Variants in UNC13C observed in about 807,000 individuals in gnomAD.
The protein encoded by UNC13C is unc-13 homolog C, also known as protein unc-13 homolog C.
UNC13C carries 174 observed loss-of-function variants against 245.4 expected under a neutral mutation model. The observed-to-expected ratio is 0.71, with a 90% CI of 0.63 to 0.80. The LOEUF (loss-of-function observed/expected upper bound fraction) is 0.80. Ranked by LOEUF, UNC13C falls within the 30% of genes least tolerant of loss-of-function variation. UNC13C has a pLI of 0.00. For missense variants in UNC13C, 2,829 were observed against 2,602.9 expected (o/e 1.09, Z -1.89); for synonymous variants, 992 against 895.1 (o/e 1.11, Z -1.93).
At chr15:54,178,806 T>G (rs2033701279) in intron 4 of UNC13C, among the ~76,000 whole-genome samples, 1 of 152,126 alleles carries the variant, frequency 6.6e-6, no homozygotes, top group South Asian at 2.1e-4. Context: ...GCCTGGGAGC[T>G]TTACAGAGAA....
chr15:54,238,712 G>T (rs2035772897), intron 7 of UNC13C, among the ~76,000 whole-genome samples: 1 of 152,112 alleles, frequency 6.6e-6, no homozygotes, highest in Non-Finnish European at 1.5e-5. Context: ...TAACTTGTTT[G>T]TTGTTCTTGT....
intron 8 of UNC13C, 86 bp from the exon 9 acceptor site, chr15:54,264,082 C>A: frequency 7.4e-7 from 1 of 1,350,942 alleles, no homozygotes; most frequent in Non-Finnish European, 1.0e-6. Context: ...CATTCATTCT[C>A]ACTTCCTCCT....
intron 4 of UNC13C, among the ~76,000 whole-genome samples, chr15:54,233,056 C>A (rs914917845): frequency 6.6e-6 from 1 of 152,114 alleles, no homozygotes; most frequent in East Asian, 1.9e-4. Flanking sequence ...GTTTATCATT[C>A]TTTTCCCTTT....
At chr15:54,141,754 C>A in intron 2 of UNC13C, among the ~76,000 whole-genome samples, 1 of 151,854 alleles carries the variant, frequency 6.6e-6, no homozygotes. Flanking sequence ...ATAATTATGG[C>A]CATAAATAAG....
chr15:54,407,114 A>G lies in UNC13C; in HGVS notation c.4848-7868A>G, dbSNP rs547865484. On this transcript the variant is annotated intron_variant, in intron 18 of 32. Coordinates refer to ENST00000260323, the MANE Select transcript of UNC13C (RefSeq NM_001080534.3). ...TATGCTAATAAATGTGTGACAAGCAATTTATGGTTTTAAAGCAGTAGTTAG... is the reference window on the plus strand; with the variant it reads ...TATGCTAATAAATGTGTGACAAGCAGTTTATGGTTTTAAAGCAGTAGTTAG... Among the ~76,000 whole-genome samples, 5 of 152,326 alleles carry G rather than the reference A, an allele frequency of 3.3e-5. No individual in the cohort carries two copies. The South Asian group carries it at 8.3e-4, about 25-fold the overall frequency.
intron 31 of UNC13C, among the ~76,000 whole-genome samples, chr15:54,622,639 T>G (rs1900868697): frequency 6.6e-6 from 1 of 152,034 alleles, no homozygotes; most frequent in South Asian, 2.1e-4. Context: ...ATACACTGAT[T>G]AAATATCCAA....
rs374032678 is a variant in UNC13C, at chr15:54,062,354, G to T, written c.2983+46468G>T. Among the ~76,000 whole-genome samples the T allele has an allele frequency of 2.5e-4, 37 of 150,886 alleles. No homozygotes were observed. The South Asian group carries it at 6.9e-3, about 28-fold the overall frequency. The stretch of plus-strand genomic sequence containing the variant: ...AAAAAAAAAAAAATCTCCATCCTCT[G>T]TGTGATTCTCCTAACATGGCAGAGG... On this transcript the variant is annotated intron_variant, in intron 2 of 32. Transcript: ENST00000260323.
chr15:54,039,053 C>G (rs1441190711), intron 2 of UNC13C, among the ~76,000 whole-genome samples: 3 of 152,052 alleles, frequency 2.0e-5, no homozygotes, highest in African/African-American at 4.8e-5. Context: ...AATCAACGTG[C>G]TTTTTATAAT....
At chr15:54,510,838 T>C (rs1596494281) in intron 23 of UNC13C, among the ~76,000 whole-genome samples, 1 of 152,118 alleles carries the variant, frequency 6.6e-6, no homozygotes, top group South Asian at 2.1e-4. Flanking sequence ...ATATACTGGC[T>C]CTTAGGAATC....
intron 2 of UNC13C, among the ~76,000 whole-genome samples, chr15:54,099,413 T>C (rs1595853299): frequency 6.6e-6 from 1 of 152,160 alleles, no homozygotes; most frequent in East Asian, 1.9e-4. Flanking sequence ...TCACTATAAA[T>C]AGCTGGCCAT....
intron 31 of UNC13C, 90 bp from the exon 32 acceptor site, chr15:54,623,705 T>C (rs933924073): frequency 1.7e-6 from 2 of 1,208,808 alleles, no homozygotes; most frequent in African/African-American, 1.5e-5. Flanking sequence ...GGCACTATTA[T>C]TAAGTTTTGG....
intron 19 of UNC13C, among the ~76,000 whole-genome samples, chr15:54,442,332 T>C (rs1890575293): frequency 1.3e-5 from 2 of 151,132 alleles, no homozygotes; most frequent in South Asian, 4.2e-4. Flanking sequence ...AAGCGATTCT[T>C]CTGCCTCAGC....
chr15:54,150,593 G>T (rs536733833), intron 4 of UNC13C, among the ~76,000 whole-genome samples: 1 of 152,208 alleles, frequency 6.6e-6, no homozygotes. Context: ...CTGTGGTCAA[G>T]AAGACTGCCT....
At chr15:54,355,546 C>T (rs1029238919) in intron 17 of UNC13C, among the ~76,000 whole-genome samples, 16 of 151,854 alleles carry the variant, frequency 1.1e-4, no homozygotes, top group African/African-American at 2.4e-4. Flanking sequence ...TTAGTAGAGA[C>T]GGGGTTTCAC....
At chr15:53,851,182 C>CT in the UNC13C span, among the ~76,000 whole-genome samples, 1 of 151,698 alleles carries the variant, frequency 6.6e-6, no homozygotes, top group Non-Finnish European at 1.5e-5. Flanking sequence ...TTTTAATTGC[C>CT]TTTTTTCTGG....
intron 2 of UNC13C, among the ~76,000 whole-genome samples, chr15:54,035,592 C>T (rs1896545315): frequency 6.6e-6 from 1 of 152,144 alleles, no homozygotes; most frequent in Admixed American, 6.6e-5. Context: ...TTCTTAGATG[C>T]ATGCACCTTT....
intron 17 of UNC13C, among the ~76,000 whole-genome samples, chr15:54,389,524 T>G (rs1037364836): frequency 1.3e-5 from 2 of 152,138 alleles, no homozygotes; most frequent in South Asian, 4.1e-4. Context: ...AATCTGAAAA[T>G]AACGTATTTA....
At chr15:54,163,559 C>G (rs1267522400) in intron 4 of UNC13C, among the ~76,000 whole-genome samples, 1 of 152,134 alleles carries the variant, frequency 6.6e-6, no homozygotes, top group Admixed American at 6.5e-5. Flanking sequence ...CACTGTACTT[C>G]TTTTTCATTA....
intron 24 of UNC13C, among the ~76,000 whole-genome samples, chr15:54,514,106 T>C (rs1894867295): frequency 6.6e-6 from 1 of 152,304 alleles, no homozygotes. Context: ...AATTTCAAAA[T>C]AATAAGCAGA....
Sources: gnomAD v4.1 joint callset for allele counts (sites outside exome capture counted in the v4.1 genomes callset) on GRCh38, gnomAD v4.1.1 for gene constraint, MANE v1.5 for transcripts, NCBI Gene and HGNC (gene_info 2026-07-23, HGNC 2026-07-21) for gene names.